The following SCUBE2 variants were observed in gnomAD, a reference collection of about 807,000 sequenced individuals.
SCUBE2 encodes the protein signal peptide, CUB and EGF-like domain-containing protein 2.
SCUBE2 carries 114 observed loss-of-function variants against 125.9 expected under a neutral mutation model. That is an observed-to-expected ratio of 0.91 (90% confidence interval 0.78 to 1.06). The LOEUF (loss-of-function observed/expected upper bound fraction) is 1.06, where lower values mean the gene tolerates loss of function less well. Among genes scored for constraint, SCUBE2 ranks in the 50% least tolerant of loss-of-function variants. The pLI is 0.00. For missense variants in SCUBE2, 1,255 were observed against 1,301.8 expected (o/e 0.96, Z 0.55); for synonymous variants, 459 against 492.9 (o/e 0.93, Z 0.91).
Position 9,050,631 on chromosome 11 carries a change from G to C in SCUBE2, c.1614C>G (p.Pro538=). Residue 538 remains proline (P), a synonymous_variant, in exon 14 of 23, where the codon CCC becomes CCG. Transcript: ENST00000649792. ...KCSLKNAELF[P]EGLRPALPEK... is the part of the protein sequence containing the mutation. Reference sequence around the variant, plus strand: ...CTGGTAGTGCTGGTCGCAGACCCTCGGGAAACAGCTCAGCATTTTTCAAAC... The same window carrying C: ...CTGGTAGTGCTGGTCGCAGACCCTCCGGAAACAGCTCAGCATTTTTCAAAC... The C allele has an allele frequency of 1.2e-6, 2 of 1,614,018 alleles. No homozygotes were observed. The highest frequency in any genetic ancestry group is 1.7e-6 in the Non-Finnish European group (2 of 1,179,892).
chr11:9,058,238 G>T (rs976827330), intron 9 of SCUBE2, among the ~76,000 whole-genome samples: 1 of 152,050 alleles, frequency 6.6e-6, no homozygotes, highest in Non-Finnish European at 1.5e-5. Flanking sequence ...CTAGGAGGGC[G>T]GATCACCTGA....
In SCUBE2 at chr11:9,047,670, G is replaced by A. The variant is rs72550811; in HGVS notation, c.1796-108C>T. The A allele has an allele frequency of 1.0e-3, 1,200 of 1,159,908 alleles. 10 individuals are homozygous for A. In the African/African-American group the frequency reaches 0.016, roughly 16 times the overall value. 71.9% of individuals were successfully genotyped at this position (1,159,908 alleles called of 1,614,324 possible). On this transcript the variant is annotated intron_variant, in intron 15 of 22. Transcript: ENST00000649792. ...CAACACCCCGAGCTCCCTGTGGACC[G>A]AATGGGGAGAAACCTGGAGGGGGCA...
rs540750781 is a variant in SCUBE2, at chr11:9,069,362, A to T, written c.643+8T>A. 32 of 1,614,164 alleles carry T rather than the reference A, an allele frequency of 2.0e-5. No homozygotes were observed. In the East Asian group the frequency reaches 6.5e-4, roughly 33 times the overall value. Reference sequence around the variant, plus strand: ...TCCCATGGCAGGTGTGCACTGGCCCATACTTACAGATGCAGTCTCTCTGGT... The same window carrying T: ...TCCCATGGCAGGTGTGCACTGGCCCTTACTTACAGATGCAGTCTCTCTGGT... On this transcript the variant is annotated splice_region_variant and intron_variant, in intron 5 of 22. Coordinates refer to ENST00000649792, the MANE Select transcript of SCUBE2 (RefSeq NM_001367977.2).
intron 16 of SCUBE2, among the ~76,000 whole-genome samples, chr11:9,046,005 T>C (rs923242259): frequency 1.7e-4 from 24 of 142,478 alleles, no homozygotes; most frequent in East Asian, 6.0e-4. Context: ...TTCTTTCTTT[T>C]TTTTTTTTTT....
chr11:9,049,615 T>G (rs1338119782), intron 14 of SCUBE2, among the ~76,000 whole-genome samples: 3 of 152,168 alleles, frequency 2.0e-5, no homozygotes, highest in Admixed American at 2.0e-4. Context: ...CTCACTATGG[T>G]TAATTTGGCA....
intron 16 of SCUBE2, among the ~76,000 whole-genome samples, chr11:9,035,354 G>A (rs1029744080): frequency 6.6e-6 from 1 of 152,184 alleles, no homozygotes. Flanking sequence ...AAGTCCCACA[G>A]CTAATTTGTG....
chr11:9,027,383 AT>A lies in SCUBE2; in HGVS notation c.2681del (p.Tyr894PhefsTer3), dbSNP rs765637316. ...FLPIEDDCGDYLVMRKTSSSN... is the reference protein window; with the variant it reads ...FLPIEDDCGDXLVMRKTSSSN... ...ACGCACAGGTTTTCCGCATCACCAG[AT>A]AGTCCCCACAGTCGTCCTCTATGGG... On this transcript the variant is annotated frameshift_variant, in exon 20 of 23. Coordinates refer to ENST00000649792, the MANE Select transcript of SCUBE2 (RefSeq NM_001367977.2). LOFTEE classifies it high-confidence loss of function. 1 of 1,613,980 alleles carries A rather than the reference AT, an allele frequency of 6.2e-7. No homozygotes were observed. The highest frequency in any genetic ancestry group is 8.5e-7 in the Non-Finnish European group (1 of 1,179,970).
chr11:9,068,337 TTAC>T (rs1199129709), intron 5 of SCUBE2, among the ~76,000 whole-genome samples: 1 of 152,182 alleles, frequency 6.6e-6, no homozygotes, highest in Non-Finnish European at 1.5e-5. Flanking sequence ...TGGAGTTTTG[TTAC>T]TACAATCGTG....
chr11:9,023,466 C>T (rs1296883538), intron 21 of SCUBE2, among the ~76,000 whole-genome samples: 1 of 152,144 alleles, frequency 6.6e-6, no homozygotes, highest in African/African-American at 2.4e-5. Flanking sequence ...TGGGACTTAC[C>T]ATTAAGAATG....
At chr11:9,064,186 G>A (rs1859968471) in intron 7 of SCUBE2, among the ~76,000 whole-genome samples, 1 of 152,104 alleles carries the variant, frequency 6.6e-6, no homozygotes. Flanking sequence ...TAACTGTAGG[G>A]CCAGGCATGA....
chr11:9,081,024 A>C (rs565323150), intron 2 of SCUBE2, among the ~76,000 whole-genome samples: 7 of 152,234 alleles, frequency 4.6e-5, no homozygotes, highest in Non-Finnish European at 1.0e-4. Context: ...GGATATGCAA[A>C]TTAAAACCAC....
chr11:9,062,247 C>A (rs1483757727), intron 7 of SCUBE2, among the ~76,000 whole-genome samples: 2 of 152,186 alleles, frequency 1.3e-5, no homozygotes, highest in African/African-American at 4.8e-5. Context: ...AAATAACAGC[C>A]ATTGAAAGTT....
intron 3 of SCUBE2, among the ~76,000 whole-genome samples, chr11:9,078,056 TG>T (rs1861344511): frequency 6.6e-6 from 1 of 152,110 alleles, no homozygotes; most frequent in East Asian, 1.9e-4. Context: ...ATGCCCTCAT[TG>T]GCAAGTCAAA....
intron 22 of SCUBE2, 126 bp downstream of exon 22, chr11:9,021,750 G>C: frequency 3.0e-6 from 2 of 666,426 alleles, no homozygotes; most frequent in East Asian, 5.1e-5. Context: ...GTATAAAACT[G>C]ACCTTGGCCC....
chr11:9,038,318 G>C (rs1466686293), intron 16 of SCUBE2, among the ~76,000 whole-genome samples: 1 of 152,144 alleles, frequency 6.6e-6, no homozygotes, highest in African/African-American at 2.4e-5. Flanking sequence ...GGCCAAGAAA[G>C]GCCTTTCTGA....
chr11:9,047,286 C>G, intron 16 of SCUBE2, 70 bp downstream of exon 16: 1 of 1,533,680 alleles, frequency 6.5e-7, no homozygotes, highest in African/African-American at 1.4e-5. Flanking sequence ...GCCAGACTTG[C>G]CTTCGGTTAC....
chr11:9,085,786 A>C (rs1489076005), intron 2 of SCUBE2, among the ~76,000 whole-genome samples: 1 of 152,048 alleles, frequency 6.6e-6, no homozygotes, highest in African/African-American at 2.4e-5. Context: ...ACAAAGGCCA[A>C]CTTTAGATTC....
chr11:9,045,428 G>A (rs1437507652), intron 16 of SCUBE2, among the ~76,000 whole-genome samples: 5 of 152,066 alleles, frequency 3.3e-5, no homozygotes, highest in Non-Finnish European at 7.4e-5. Flanking sequence ...CAGGAGAGAT[G>A]GAAGTGACTC....
rs780172743 is a variant in SCUBE2, at chr11:9,047,552, G to A, written c.1806C>T (p.Asp602=). The A allele has an allele frequency of 6.2e-7, 1 of 1,613,998 alleles. No homozygotes were observed. Among genetic ancestry groups the A allele is most frequent in the South Asian group, 1.1e-5 (1 of 91,046 alleles). ...TNQKEVTASC[D]LSCIVKRTEK... ...CGGTTCGCTTTACGATGCAGCTCAGGTCACAAGAAGCTACAGAAACAAGAG... is the reference window on the plus strand; with the variant it reads ...CGGTTCGCTTTACGATGCAGCTCAGATCACAAGAAGCTACAGAAACAAGAG... The change falls in exon 16 of 23, where the codon GAC becomes GAT. Residue 602 remains aspartate, a synonymous_variant. Coordinates refer to ENST00000649792, the MANE Select transcript of SCUBE2 (RefSeq NM_001367977.2).
Sources: allele counts gnomAD v4.1 joint callset (sites outside exome capture counted in the v4.1 genomes callset), GRCh38; gene constraint gnomAD v4.1.1; transcripts MANE v1.5; gene names NCBI Gene and HGNC (gene_info 2026-07-23, HGNC 2026-07-21).